The following UBR1 variants were observed in gnomAD, a reference collection of about 807,000 sequenced individuals.
UBR1 encodes the protein E3 ubiquitin-protein ligase UBR1.
Under a neutral mutation model 242.1 loss-of-function variants are expected in UBR1, and 102 were observed. The ratio of observed to expected loss-of-function variants is 0.42; its 90% CI spans 0.36 to 0.50. The LOEUF (loss-of-function observed/expected upper bound fraction) is 0.50, where lower values mean the gene tolerates loss of function less well. UBR1 is among the 20% of genes least tolerant of loss of function. UBR1 has a pLI of 0.01. For synonymous variants in UBR1, 675 were observed against 684.8 expected, an observed-to-expected ratio of 0.99 and a Z score of 0.22; for missense variants, 1,772 against 2,101.8, an observed-to-expected ratio of 0.84 and a Z score of 3.07.
chr15:42,957,962 G>A (rs781041836), intron 44 of UBR1, 51 bp downstream of exon 44: 2 of 1,485,552 alleles, frequency 1.3e-6, no homozygotes, highest in Admixed American at 1.7e-5. Flanking sequence ...CCAATTGCGA[G>A]TTCAGAAAAT....
rs1438323674 is a variant in UBR1 at position 42,981,733 on chromosome 15, G to A, written c.4150+2164C>T. Among the ~76,000 whole-genome samples, 9 of 152,014 alleles carry A rather than the reference G, an allele frequency of 5.9e-5. No individual in the cohort carries two copies. In the East Asian group the frequency reaches 9.6e-4, roughly 16 times the overall value. The stretch of plus-strand genomic sequence containing the variant: ...TCTCGACCTCCTGACCTCGTGATCC[G>A]CCGCACCCAGCCACTTGTCTCAATA... On this transcript the variant is annotated intron_variant, in intron 37 of 46. Transcript: ENST00000290650.
chr15:43,006,819 A>C (rs1021077176), intron 30 of UBR1, among the ~76,000 whole-genome samples: 2 of 152,194 alleles, frequency 1.3e-5, no homozygotes, highest in African/African-American at 4.8e-5. Context: ...GAGTAAAGGA[A>C]ATATAGCCAA....
intron 37 of UBR1, among the ~76,000 whole-genome samples, chr15:42,980,713 A>G (rs2032364014): frequency 1.3e-5 from 2 of 151,930 alleles, no homozygotes; most frequent in Non-Finnish European, 2.9e-5. Context: ...GGTGCAAGTG[A>G]TACTCCCAAC....
chr15:42,947,588 T>G (rs2031759261), intron 46 of UBR1, among the ~76,000 whole-genome samples: 1 of 152,124 alleles, frequency 6.6e-6, no homozygotes, highest in Non-Finnish European at 1.5e-5. Flanking sequence ...CAGCAAAGTC[T>G]CAGGATACAA....
At chr15:43,059,384 C>T (rs1213316450) in intron 8 of UBR1, among the ~76,000 whole-genome samples, 192 bp from the exon 9 acceptor site, 1 of 152,086 alleles carries the variant, frequency 6.6e-6, no homozygotes, top group African/African-American at 2.4e-5. Flanking sequence ...ATTCTTATAA[C>T]ATTTCTCCTA....
At chr15:42,993,365 CT>C (rs779584895) in intron 33 of UBR1, among the ~76,000 whole-genome samples, 746 of 140,240 alleles carry the variant, frequency 5.3e-3, no homozygotes, top group Admixed American at 5.5e-3. Flanking sequence ...TATGAAATGT[CT>C]TTTTTTTTTT....
chr15:42,945,328 C>G lies in UBR1; in HGVS notation c.*1G>C. The stretch of plus-strand genomic sequence containing the variant: ...TGATTGTCTTGAGGCAGAGTTGGAG[C>G]TCACAGTAACTGCCAGTTGAATCCA... On this transcript the variant is annotated 3_prime_UTR_variant, in exon 47 of 47. Transcript: ENST00000290650. 6.2e-7 allele frequency: 1 copy of G among 1,614,128 alleles called. No homozygotes were observed. The highest frequency in any genetic ancestry group is 8.5e-7 in the Non-Finnish European group (1 of 1,180,018).
chr15:43,014,637 G>C (rs1344044467), intron 29 of UBR1, among the ~76,000 whole-genome samples: 1 of 151,106 alleles, frequency 6.6e-6, no homozygotes, highest in Non-Finnish European at 1.5e-5. Context: ...GAGACCCTCC[G>C]CCTGGCAGCC....
At chr15:43,042,318 G>A (rs1279332145) in intron 15 of UBR1, among the ~76,000 whole-genome samples, 1 of 151,976 alleles carries the variant, frequency 6.6e-6, no homozygotes, top group Non-Finnish European at 1.5e-5. Flanking sequence ...ACAAAATGTG[G>A]TATATTCATA....
At chr15:42,950,896 C>T (rs893228552) in intron 45 of UBR1, among the ~76,000 whole-genome samples, 4 of 152,094 alleles carry the variant, frequency 2.6e-5, no homozygotes, top group African/African-American at 9.7e-5. Context: ...GGGAAATAGA[C>T]ATAAAAAAGG....
chr15:42,945,308 G>T lies in UBR1; in HGVS notation c.*21C>A. 1.2e-6 allele frequency: 2 copies of T among 1,614,046 alleles called. No homozygotes were observed. The highest frequency in any genetic ancestry group is 1.7e-6 in the Non-Finnish European group (2 of 1,179,962). ...TTTACTACTGTCGTCATTTGTGATT[G>T]TCTTGAGGCAGAGTTGGAGCTCACA... On this transcript the variant is annotated 3_prime_UTR_variant, in exon 47 of 47. Transcript: ENST00000290650.
At chr15:43,063,757 C>T (rs552791093) in intron 6 of UBR1, among the ~76,000 whole-genome samples, 2 of 150,624 alleles carry the variant, frequency 1.3e-5, no homozygotes, top group Admixed American at 6.6e-5. Context: ...GATGGAGTTT[C>T]GTTCATCGTT....
At chr15:43,002,727 GC>G (rs1378089780) in intron 31 of UBR1, 23 bp from the exon 32 acceptor site, 2 of 1,613,692 alleles carry the variant, frequency 1.2e-6, no homozygotes, top group Admixed American at 3.3e-5. Flanking sequence ...AAAGACACAG[GC>G]CCATTCAGAA....
chr15:43,059,474 C>A (rs1596123922), intron 8 of UBR1, among the ~76,000 whole-genome samples: 1 of 150,990 alleles, frequency 6.6e-6, no homozygotes, highest in Non-Finnish European at 1.5e-5. Context: ...CTGTCAACAT[C>A]AAAGACTCAA....
rs1476974247 is a variant in UBR1 at position 43,007,279 on chromosome 15, G to A, written c.3215C>T (p.Pro1072Leu). 8.1e-6 allele frequency: 13 copies of A among 1,613,910 alleles called. No individual in the cohort carries two copies. Among genetic ancestry groups the A allele is most frequent in the Non-Finnish European group, 1.1e-5 (13 of 1,179,902 alleles). ...AATTCTAGAGTAGTCACTGACTGCTGGGGTGCTACCAAAAGAAATGATCAG... is the reference window on the plus strand; with the variant it reads ...AATTCTAGAGTAGTCACTGACTGCTAGGGTGCTACCAAAAGAAATGATCAG... ...EDSIMEEEST[P>L]AVSDYSRIAL... is the part of the protein sequence containing the mutation. Residue 1072 changes from proline (P) to leucine (L), a missense_variant, in exon 30 of 47, where the codon CCA becomes CTA. By Grantham distance (98) the Pro-to-Leu change is moderately conservative. Transcript: ENST00000290650.
At chr15:43,005,469 G>A (rs915823882) in intron 30 of UBR1, among the ~76,000 whole-genome samples, 2 of 148,878 alleles carry the variant, frequency 1.3e-5, no homozygotes, top group Non-Finnish European at 3.0e-5. Context: ...GGAGGGAGGT[G>A]GGGGGGCAGC....
chr15:43,046,768 C>T (rs1465010432), intron 14 of UBR1, among the ~76,000 whole-genome samples: 3 of 152,166 alleles, frequency 2.0e-5, no homozygotes, highest in African/African-American at 4.8e-5. Context: ...TAAGGAAATA[C>T]ATTAGTTCTA....
In UBR1 at chr15:42,983,665, CAATAATAATAAT is replaced by C. The variant is rs60519719; in HGVS notation, c.4150+220_4150+231del. ...CAGCAACAACAGCGAAACTCCCACT[CAATAATAATAAT>C]AATAATAATAATAATAATAATAATA... On this transcript the variant is annotated intron_variant, in intron 37 of 46. Coordinates refer to ENST00000290650, the MANE Select transcript of UBR1 (RefSeq NM_174916.3). Among the ~76,000 whole-genome samples the C allele has an allele frequency of 9.5e-5, 13 of 137,358 alleles. No individual in the cohort carries two copies. In the South Asian group the frequency reaches 2.2e-3, roughly 23 times the overall value. The allele number at this position is 137,358 out of a possible 152,430, so 90.1% of individuals were successfully genotyped here.
intron 33 of UBR1, among the ~76,000 whole-genome samples, chr15:42,997,774 A>C (rs2032662506): frequency 1.3e-5 from 2 of 152,244 alleles, no homozygotes; most frequent in African/African-American, 2.4e-5. Flanking sequence ...TAAAATAGGT[A>C]CTATTATAAT....
Sources: gnomAD v4.1 joint callset for allele counts (sites outside exome capture counted in the v4.1 genomes callset) on GRCh38, gnomAD v4.1.1 for gene constraint, MANE v1.5 for transcripts, NCBI Gene and HGNC (gene_info 2026-07-23, HGNC 2026-07-21) for gene names.